COLQ: variants seen among roughly 807,000 people sequenced by gnomAD.
COLQ encodes the protein collagen like tail subunit of asymmetric acetylcholinesterase.
COLQ carries 48 observed loss-of-function variants against 69.0 expected under a neutral mutation model. The ratio of observed to expected loss-of-function variants is 0.70; its 90% CI spans 0.55 to 0.88. The LOEUF (loss-of-function observed/expected upper bound fraction) is 0.88. Among genes scored for constraint, COLQ ranks in the 40% least tolerant of loss-of-function variants. The pLI is 0.00. For missense variants in COLQ, 618 were observed against 594.6 expected (o/e 1.04, Z -0.41); for synonymous variants, 217 against 211.2 (o/e 1.03, Z -0.24).
chr3:15,516,421 C>G (rs757060198), intron 1 of COLQ, among the ~76,000 whole-genome samples: 5 of 152,154 alleles, frequency 3.3e-5, no homozygotes, highest in African/African-American at 4.8e-5. Context: ...AGTACCCAGA[C>G]AGAAATCACA....
intron 1 of COLQ, chr3:15,498,608 G>C (rs551469530): frequency 7.7e-6 from 12 of 1,551,534 alleles, no homozygotes; most frequent in Non-Finnish European, 1.0e-5. Context: ...GGCCCAAAGC[G>C]GACTGGCCAG....
At chr3:15,485,593 A>G (rs978682108) in intron 3 of COLQ, among the ~76,000 whole-genome samples, 4 of 152,196 alleles carry the variant, frequency 2.6e-5, no homozygotes, top group Non-Finnish European at 4.4e-5. Context: ...TCCCAAGTCT[A>G]TCAGCACATT....
At chr3:15,512,595 C>T (rs1186874983) in intron 1 of COLQ, among the ~76,000 whole-genome samples, 2 of 152,112 alleles carry the variant, frequency 1.3e-5, no homozygotes, top group Non-Finnish European at 2.9e-5. Flanking sequence ...ATATTTTAAG[C>T]AAAAAGTTCT....
intron 6 of COLQ, among the ~76,000 whole-genome samples, chr3:15,476,863 AAGG>A (rs2062387916): frequency 6.6e-6 from 1 of 152,192 alleles, no homozygotes; most frequent in Non-Finnish European, 1.5e-5. Flanking sequence ...TCCTAGGACA[AAGG>A]AGAACCACGG....
At position 15,466,362 on chromosome 3, in the gene COLQ, G is replaced by T. The variant is rs1386820869; in HGVS notation, c.793C>A (p.Pro265Thr). ...GPSGQPGRPG[P>T]PGPPPAGQLI... ...TTACCTGCAGGTGGGGGGCCTGGGG[G>T]CCCCGGACGGCCAGGTTGACCAGAA... The change falls in exon 12 of 17, where the codon CCC becomes ACC. Residue 265 changes from proline to threonine, a missense_variant. Transcript: ENST00000383788. The T allele has an allele frequency of 6.2e-7, 1 of 1,613,984 alleles. No homozygotes were observed. Among genetic ancestry groups the T allele is most frequent in the South Asian group, 1.1e-5 (1 of 91,072 alleles).
chr3:15,514,729 C>T (rs986692441), intron 1 of COLQ, among the ~76,000 whole-genome samples: 9 of 152,094 alleles, frequency 5.9e-5, no homozygotes, highest in African/African-American at 1.9e-4. Flanking sequence ...GGCTCCTGGT[C>T]CCAGAGACCA....
Position 15,484,294 on chromosome 3 carries a change from T to C in COLQ, c.321+3912A>G, listed in dbSNP as rs1007576083. ...TATTTTGCTCATTAGTTGATGCAGT[T>C]TCTTCATGGTGTTGATGGTCTTTAC... On this transcript the variant is annotated intron_variant, in intron 3 of 16. Coordinates refer to ENST00000383788, the MANE Select transcript of COLQ (RefSeq NM_005677.4). Among the ~76,000 whole-genome samples the C allele has an allele frequency of 1.4e-4, 22 of 152,382 alleles. 1 individual carries two copies. The highest frequency in any genetic ancestry group is 1.0e-3 in the Admixed American group (16 of 15,306).
intron 13 of COLQ, among the ~76,000 whole-genome samples, chr3:15,457,277 T>A (rs1253546644): frequency 6.6e-6 from 1 of 151,996 alleles, no homozygotes; most frequent in Non-Finnish European, 1.5e-5. Flanking sequence ...AGTAAAAAGC[T>A]TGGGGGTGGC....
intron 3 of COLQ, among the ~76,000 whole-genome samples, chr3:15,484,266 T>C (rs1237833027): frequency 1.3e-5 from 2 of 152,164 alleles, no homozygotes; most frequent in African/African-American, 4.8e-5. Context: ...GATGTTAGCT[T>C]GTTATTTTGC....
chr3:15,466,878 T>C lies in COLQ; in HGVS notation c.718-441A>G, dbSNP rs182587670. Among the ~76,000 whole-genome samples, 352 of 152,352 alleles carry C rather than the reference T, an allele frequency of 2.3e-3. 1 individual carries two copies. Among genetic ancestry groups the C allele is most frequent in the African/African-American group, 7.9e-3 (329 of 41,578 alleles). ...GCCTTTTTGGTCTTCAAGGGCACCA[T>C]GTCTATTATCCCCCTTCTCAAGACC... On this transcript the variant is annotated intron_variant, in intron 11 of 16. Coordinates refer to ENST00000383788, the MANE Select transcript of COLQ (RefSeq NM_005677.4).
At chr3:15,489,973 T>C (rs1335881457) in intron 1 of COLQ, among the ~76,000 whole-genome samples, 2 of 152,170 alleles carry the variant, frequency 1.3e-5, no homozygotes, top group African/African-American at 4.8e-5. Flanking sequence ...ATGCCCCCAG[T>C]AGTTGAGGAG....
chr3:15,477,179 C>G lies in COLQ; in HGVS notation c.412G>C (p.Gly138Arg). 1 of 1,606,588 alleles carries G rather than the reference C, an allele frequency of 6.2e-7. No individual in the cohort carries two copies. Among genetic ancestry groups the G allele is most frequent in the African/African-American group, 1.3e-5 (1 of 74,996 alleles). ...ATGGGCCCAGGCATGCCAGGAACAC[C>G]TGGGGGGCCAGGTCTACCCTTCAAA... ...PGRKGRPGPP[G>R]VPGMPGPIGW... Residue 138 changes from glycine (G) to arginine (R), a missense_variant, in exon 6 of 17, where the codon GGT becomes CGT. Coordinates refer to ENST00000383788, the MANE Select transcript of COLQ (RefSeq NM_005677.4).
chr3:15,465,988 C>T (rs1316640265), intron 12 of COLQ, among the ~76,000 whole-genome samples: 1 of 152,096 alleles, frequency 6.6e-6, no homozygotes, highest in African/African-American at 2.4e-5. Context: ...ACCTTTACTT[C>T]TAGGTTTAAG....
At chr3:15,521,388 G>C in intron 1 of COLQ, 132 bp downstream of exon 1, 1 of 1,198,934 alleles carries the variant, frequency 8.3e-7, no homozygotes, top group Non-Finnish European at 1.2e-6. Flanking sequence ...TGCTGGGGTG[G>C]CCGTCTTCCT....
rs2605396 is a variant in COLQ, at chr3:15,498,966, A to C, written c.107-9329T>G. 0.35 allele frequency: 409,258 copies of C among 1,161,212 alleles called. 75,807 individuals are homozygous for C. Among genetic ancestry groups the C allele is most frequent in the East Asian group, 0.62 (10,759 of 17,352 alleles). 71.9% of individuals were successfully genotyped at this position (1,161,212 alleles called of 1,614,324 possible). A position where few individuals can be genotyped will look rare whatever the true frequency, so the allele number is the denominator to read the frequency against. ...TGCTTTTCATTTGGCTCAAAAACCG[A>C]CTTGACTCAAAATACCACAGCAGTA... On this transcript the variant is annotated intron_variant, in intron 1 of 16. Transcript: ENST00000383788.
intron 1 of COLQ, 152 bp from the exon 2 acceptor site, chr3:15,489,789 T>C (rs1198912591): frequency 1.5e-6 from 1 of 688,458 alleles, no homozygotes; most frequent in East Asian, 2.7e-5. Context: ...GTTGGCTACT[T>C]GACATAGCAA....
chr3:15,511,952 G>A (rs966559440), intron 1 of COLQ, among the ~76,000 whole-genome samples: 2 of 152,176 alleles, frequency 1.3e-5, no homozygotes, highest in African/African-American at 4.8e-5. Flanking sequence ...TCCTAGTGAA[G>A]TAAGAAGAGC....
Position 15,473,896 on chromosome 3 carries a change from C to T in COLQ, c.636+104G>A. On this transcript the variant is annotated intron_variant, in intron 10 of 16. Coordinates refer to ENST00000383788, the MANE Select transcript of COLQ (RefSeq NM_005677.4). The surrounding 1 kb of genome is among the most constrained non-coding windows in gnomAD (Gnocchi z 4.0). ...AAATAGAAGTTTCCATGGTTAAACCCACCATCCCTGCCTGATAGACAAGGA... is the reference window on the plus strand; with the variant it reads ...AAATAGAAGTTTCCATGGTTAAACCTACCATCCCTGCCTGATAGACAAGGA... The T allele has an allele frequency of 7.7e-7, 1 of 1,296,400 alleles. No individual in the cohort carries two copies. The highest frequency in any genetic ancestry group is 1.1e-6 in the Non-Finnish European group (1 of 903,470). The allele number at this position is 1,296,400 out of a possible 1,614,324, so 80.3% of individuals were successfully genotyped here.
intron 10 of COLQ, among the ~76,000 whole-genome samples, chr3:15,471,937 T>C (rs2062295722): frequency 1.3e-5 from 2 of 151,970 alleles, no homozygotes; most frequent in Non-Finnish European, 2.9e-5. Context: ...GGGATGTCTT[T>C]ATGGCTGGGA....
Sources: allele counts gnomAD v4.1 joint callset (sites outside exome capture counted in the v4.1 genomes callset), GRCh38; gene constraint gnomAD v4.1.1; non-coding constraint Gnocchi (gnomAD v3.1); transcripts MANE v1.5; gene names NCBI Gene and HGNC (gene_info 2026-07-23, HGNC 2026-07-21).